The following ADAM18 variants were observed in gnomAD, a reference collection of about 807,000 sequenced individuals.
ADAM18 encodes disintegrin and metalloproteinase domain-containing protein 18.
Under a neutral mutation model 94.4 loss-of-function variants are expected in ADAM18, and 117 were observed. That is an observed-to-expected ratio of 1.24 (90% CI 1.07 to 1.45). The LOEUF (loss-of-function observed/expected upper bound fraction) is 1.45. ADAM18 is among the 40% of genes most tolerant of loss of function. The pLI, the probability that ADAM18 is intolerant of heterozygous loss-of-function variation, is 0.00. For missense variants in ADAM18, 936 were observed against 880.0 expected (o/e 1.06, Z -0.81); for synonymous variants, 327 against 291.6 (o/e 1.12, Z -1.24).
At position 39,677,340 on chromosome 8, in the gene ADAM18, C is replaced by A. The variant is rs557539611; in HGVS notation, c.1526-91C>A. On this transcript the variant is annotated intron_variant, in intron 14 of 19. Coordinates refer to ENST00000265707, the MANE Select transcript of ADAM18 (RefSeq NM_014237.3). Reference sequence around the variant, plus strand: ...AAAGCATGATCAACAAGTACATGATCTTTTTGAAATTAAATTTCCTTAGTC... The same window carrying A: ...AAAGCATGATCAACAAGTACATGATATTTTTGAAATTAAATTTCCTTAGTC... The A allele has an allele frequency of 1.8e-5, 18 of 1,027,500 alleles. 1 individual carries two copies. The South Asian group carries it at 2.6e-4, about 15-fold the overall frequency. 63.6% of individuals were successfully genotyped at this position (1,027,500 alleles called of 1,614,324 possible). A position where few individuals can be genotyped will look rare whatever the true frequency, so the allele number is the denominator to read the frequency against.
chr8:39,612,853 C>T (rs933953580), intron 6 of ADAM18, among the ~76,000 whole-genome samples: 1 of 152,138 alleles, frequency 6.6e-6, no homozygotes, highest in African/African-American at 2.4e-5. Flanking sequence ...CAAATGGGCT[C>T]TTGCCAACAT....
At chr8:39,722,222 T>C (rs1350393417) in intron 18 of ADAM18, among the ~76,000 whole-genome samples, 219 of 4,266 alleles carry the variant, frequency 0.051, 1 homozygote, top group African/African-American at 0.12. Flanking sequence ...TGTGTGTATA[T>C]ATATATATAT....
Position 39,648,496 on chromosome 8 carries a change from C to A in ADAM18, c.1199C>A (p.Ser400Tyr). The change falls in exon 12 of 20, where the codon TCC becomes TAC. Residue 400 changes from serine (S) to tyrosine (Y), a missense_variant. Transcript: ENST00000265707. The part of the protein sequence containing the change: ...QPVCGNGILE[S>Y]NEECDCGNKN... ...GTGTGTGGTAATGGGATTTTGGAAT[C>A]CAATGAAGAATGTGACTGTGGTAAT... The A allele has an allele frequency of 6.2e-7, 1 of 1,608,060 alleles. No individual in the cohort carries two copies.
intron 2 of ADAM18, among the ~76,000 whole-genome samples, chr8:39,586,438 G>T (rs948790673): frequency 2.0e-5 from 3 of 152,166 alleles, no homozygotes; most frequent in Admixed American, 1.3e-4. Context: ...TTCTGTTGAA[G>T]AATTATTTGC....
At chr8:39,725,207 A>AT (rs1822869245) in intron 19 of ADAM18, among the ~76,000 whole-genome samples, 1 of 152,046 alleles carries the variant, frequency 6.6e-6, no homozygotes, top group Admixed American at 6.5e-5. Flanking sequence ...AAATACGTAT[A>AT]CATACTTAAT....
chr8:39,602,591 C>T (rs542576013), intron 2 of ADAM18, among the ~76,000 whole-genome samples: 39 of 152,184 alleles, frequency 2.6e-4, no homozygotes, highest in Middle Eastern at 3.4e-3. Context: ...AAAAATATAC[C>T]GTTATTTTCC....
chr8:39,646,884 A>G (rs1820394810), intron 11 of ADAM18, among the ~76,000 whole-genome samples: 1 of 152,140 alleles, frequency 6.6e-6, no homozygotes, highest in Non-Finnish European at 1.5e-5. Context: ...AAAAATATTG[A>G]AAGTAGAAGG....
chr8:39,687,399 A>G (rs1821636005), intron 16 of ADAM18, among the ~76,000 whole-genome samples: 1 of 152,180 alleles, frequency 6.6e-6, no homozygotes, highest in Non-Finnish European at 1.5e-5. Flanking sequence ...GAGTTCATCA[A>G]TTGATTATTA....
At chr8:39,647,967 G>A (rs1820430758) in intron 11 of ADAM18, among the ~76,000 whole-genome samples, 1 of 152,158 alleles carries the variant, frequency 6.6e-6, no homozygotes, top group African/African-American at 2.4e-5. Context: ...CAGAGTAACA[G>A]TCTGATCTCT....
At chr8:39,625,797 C>T (rs1427197501) in intron 6 of ADAM18, among the ~76,000 whole-genome samples, 4 of 151,798 alleles carry the variant, frequency 2.6e-5, no homozygotes, top group Admixed American at 6.6e-5. Flanking sequence ...TTATTATTTT[C>T]AATTTTTTAT....
At chr8:39,613,252 C>A (rs1215492624) in intron 6 of ADAM18, among the ~76,000 whole-genome samples, 1 of 152,186 alleles carries the variant, frequency 6.6e-6, no homozygotes, top group African/African-American at 2.4e-5. Context: ...GCCAGCATAT[C>A]AGGAATAACT....
intron 18 of ADAM18, among the ~76,000 whole-genome samples, chr8:39,722,190 C>CGTGTGT (rs1164771841): frequency 4.5e-4 from 46 of 101,730 alleles, no homozygotes; most frequent in African/African-American, 1.1e-3. Flanking sequence ...TTGGTTATAC[C>CGTGTGT]GTGTGTGTGT....
At chr8:39,603,351 C>T (rs1211145306) in intron 2 of ADAM18, among the ~76,000 whole-genome samples, 1 of 152,072 alleles carries the variant, frequency 6.6e-6, no homozygotes, top group African/African-American at 2.4e-5. Flanking sequence ...ATTCTGTGTC[C>T]CTCACTACAG....
At chr8:39,713,121 T>G (rs1356875182) in intron 18 of ADAM18, among the ~76,000 whole-genome samples, 2 of 151,890 alleles carry the variant, frequency 1.3e-5, no homozygotes, top group African/African-American at 4.8e-5. Flanking sequence ...AACAGAAACT[T>G]CAGAAATAAC....
At chr8:39,613,677 G>A (rs888882859) in intron 6 of ADAM18, among the ~76,000 whole-genome samples, 4 of 152,112 alleles carry the variant, frequency 2.6e-5, no homozygotes, top group Admixed American at 1.3e-4. Context: ...TGGCAATAAA[G>A]ATCATCAAGA....
intron 16 of ADAM18, among the ~76,000 whole-genome samples, chr8:39,681,723 G>A (rs1821465127): frequency 6.6e-6 from 1 of 152,154 alleles, no homozygotes; most frequent in Admixed American, 6.6e-5. Context: ...TTGAGGACCT[G>A]GCTGGTGAGG....
chr8:39,649,380 G>GTA (rs149372125), intron 12 of ADAM18, among the ~76,000 whole-genome samples: 13,710 of 149,980 alleles, frequency 0.091, 794 homozygotes, highest in South Asian at 0.23. Flanking sequence ...ACACATACAT[G>GTA]TATATATATA....
chr8:39,619,844 G>A (rs1585905832), intron 6 of ADAM18, among the ~76,000 whole-genome samples: 1 of 152,048 alleles, frequency 6.6e-6, no homozygotes, highest in South Asian at 2.1e-4. Context: ...TGCAATTTCT[G>A]TCAAAATTCT....
chr8:39,584,732 C>G (rs1238815942), intron 1 of ADAM18, 55 bp downstream of exon 1: 6 of 1,584,258 alleles, frequency 3.8e-6, no homozygotes, highest in Non-Finnish European at 4.3e-6. Flanking sequence ...GGGCTGGGCT[C>G]TTACTGGGAG....
Sources: gnomAD v4.1 joint callset for allele counts (sites outside exome capture counted in the v4.1 genomes callset) on GRCh38, gnomAD v4.1.1 for gene constraint, MANE v1.5 for transcripts, NCBI Gene and HGNC (gene_info 2026-07-23, HGNC 2026-07-21) for gene names.